Variants in OSBPL8 observed in about 807,000 individuals in gnomAD.
The protein encoded by OSBPL8 is oxysterol-binding protein-related protein 8.
In OSBPL8, 59 loss-of-function variants were observed where a neutral mutation model predicts 125.5. The ratio of observed to expected loss-of-function variants is 0.47; its 90% CI spans 0.38 to 0.58. The LOEUF (loss-of-function observed/expected upper bound fraction) is 0.58. OSBPL8 is among the 20% of genes least tolerant of loss of function. The probability of loss-of-function intolerance (pLI) is 0.00; values close to 1 mark genes in which losing one functional copy is unlikely to be tolerated. For synonymous variants in OSBPL8, 330 were observed against 338.9 expected (o/e 0.97, Z 0.29); for missense variants, 758 against 1,047.8 (o/e 0.72, Z 3.82).
At chr12:76,531,638 A>G (rs950661960) in intron 1 of OSBPL8, among the ~76,000 whole-genome samples, 19 of 152,188 alleles carry the variant, frequency 1.2e-4, no homozygotes, top group African/African-American at 4.6e-4. Flanking sequence ...AGATAACTGA[A>G]TTAACAGGCC....
chr12:76,419,686 T>G (rs995995512), intron 4 of OSBPL8, among the ~76,000 whole-genome samples: 5 of 152,248 alleles, frequency 3.3e-5, no homozygotes, highest in African/African-American at 1.2e-4. Flanking sequence ...TTTTTAGCCA[T>G]CAAAGCAAAT....
chr12:76,526,976 C>T (rs947705960), intron 1 of OSBPL8, among the ~76,000 whole-genome samples: 1 of 151,910 alleles, frequency 6.6e-6, no homozygotes, highest in African/African-American at 2.4e-5. Context: ...AAGTCCAGAG[C>T]TCTATTGAGA....
chr12:76,435,028 T>C (rs1871278203), intron 4 of OSBPL8, among the ~76,000 whole-genome samples: 1 of 152,164 alleles, frequency 6.6e-6, no homozygotes, highest in African/African-American at 2.4e-5. Flanking sequence ...AAATGAAACC[T>C]GTATCTCAAG....
chr12:76,458,543 T>G (rs1874335505), intron 3 of OSBPL8, among the ~76,000 whole-genome samples: 1 of 151,486 alleles, frequency 6.6e-6, no homozygotes, highest in Admixed American at 6.6e-5. Flanking sequence ...TTTCAAAAAT[T>G]AATTGGGTGT....
At chr12:76,405,291 T>C (rs1051707237) in intron 5 of OSBPL8, among the ~76,000 whole-genome samples, 2 of 151,944 alleles carry the variant, frequency 1.3e-5, no homozygotes, top group African/African-American at 4.8e-5. Context: ...AGACACCGTC[T>C]CTATGAAAAA....
chr12:76,524,535 G>C (rs1420325431), intron 1 of OSBPL8, among the ~76,000 whole-genome samples: 2 of 152,066 alleles, frequency 1.3e-5, no homozygotes, highest in Non-Finnish European at 2.9e-5. Context: ...ATTGGAAAGT[G>C]TTGCTTTTGT....
At chr12:76,541,244 C>T (rs1419887770) in intron 1 of OSBPL8, among the ~76,000 whole-genome samples, 3 of 151,942 alleles carry the variant, frequency 2.0e-5, no homozygotes, top group Non-Finnish European at 2.9e-5. Flanking sequence ...TTTAGGAGGC[C>T]GAGGCAGGTG....
At chr12:76,467,661 C>CT (rs546099404) in intron 2 of OSBPL8, among the ~76,000 whole-genome samples, 30 of 149,230 alleles carry the variant, frequency 2.0e-4, no homozygotes, top group South Asian at 4.3e-4. Context: ...CACATTCAGT[C>CT]TTTTTTTTTT....
In OSBPL8 at chr12:76,386,223, C is replaced by T. The variant is rs1327585686; in HGVS notation, c.1478G>A (p.Arg493His). The change falls in exon 14 of 24, where the codon CGT (arginine) becomes CAT (histidine). Residue 493 changes from arginine (R) to histidine (H), a missense_variant. By Grantham distance (29) the Arg-to-His change is conservative (BLOSUM62 0). Transcript: ENST00000261183. ...TGTTCTGGGATGAATCCATAAACAA[C>T]GGAAAGTCTCGCCAAGTATAGGATT... is the stretch of plus-strand genomic sequence containing the variant. ...PYNPILGETF[R>H]CLWIHPRTNS... 4.4e-6 allele frequency: 7 copies of T among 1,608,196 alleles called. No individual in the cohort carries two copies. Among genetic ancestry groups the T allele is most frequent in the African/African-American group, 1.4e-5 (1 of 73,756 alleles).
In OSBPL8 at chr12:76,487,007, T is replaced by C. The variant is rs975292059; in HGVS notation, c.42+503A>G. Among the ~76,000 whole-genome samples the C allele has an allele frequency of 3.3e-5, 5 of 150,548 alleles. No individual in the cohort carries two copies. The East Asian group carries it at 9.7e-4, about 29-fold the overall frequency. ...TGGTGTGCTCCAACAAACTTTAAGCTATTTGCAATTTTCATTTTTTTTTTT... is the reference window on the plus strand; with the variant it reads ...TGGTGTGCTCCAACAAACTTTAAGCCATTTGCAATTTTCATTTTTTTTTTT... On this transcript the variant is annotated intron_variant, in intron 2 of 23. Transcript: ENST00000261183.
At chr12:76,405,522 A>C (rs143677551) in intron 5 of OSBPL8, among the ~76,000 whole-genome samples, 4 of 152,244 alleles carry the variant, frequency 2.6e-5, no homozygotes, top group South Asian at 2.1e-4. Context: ...GTTATTCCTA[A>C]AAGATTACTG....
intron 3 of OSBPL8, among the ~76,000 whole-genome samples, chr12:76,458,211 C>T (rs972725036): frequency 7.9e-5 from 12 of 152,124 alleles, no homozygotes; most frequent in Non-Finnish European, 1.5e-4. Context: ...GAAGTTGTGG[C>T]TGCAGTAAGC....
At chr12:76,465,999 CT>C (rs1565919613) in intron 2 of OSBPL8, among the ~76,000 whole-genome samples, 1 of 151,054 alleles carries the variant, frequency 6.6e-6, no homozygotes, top group African/African-American at 2.4e-5. Context: ...AAGACTCTGT[CT>C]CAAAAAAGAA....
chr12:76,516,214 A>G (rs1435302966), intron 1 of OSBPL8, among the ~76,000 whole-genome samples: 2 of 152,234 alleles, frequency 1.3e-5, no homozygotes, highest in Non-Finnish European at 2.9e-5. Flanking sequence ...TGAAAGCAGG[A>G]GATGAAACTC....
At chr12:76,420,648 T>C (rs760362595) in intron 4 of OSBPL8, among the ~76,000 whole-genome samples, 1 of 152,094 alleles carries the variant, frequency 6.6e-6, no homozygotes, top group East Asian at 1.9e-4. Context: ...TAAATATCAC[T>C]AATGAAGAAC....
At chr12:76,407,684 C>T (rs1292903738) in intron 5 of OSBPL8, among the ~76,000 whole-genome samples, 2 of 152,152 alleles carry the variant, frequency 1.3e-5, no homozygotes, top group Admixed American at 6.5e-5. Flanking sequence ...TATAATTTTA[C>T]TTATATACCA....
At chr12:76,357,723 C>T (rs1191096385) in intron 22 of OSBPL8, among the ~76,000 whole-genome samples, 1 of 152,226 alleles carries the variant, frequency 6.6e-6, no homozygotes, top group Non-Finnish European at 1.5e-5. Flanking sequence ...TGAGCTCCCT[C>T]TCCTTTAAAC....
chr12:76,528,845 C>A (rs1207593377), intron 1 of OSBPL8, among the ~76,000 whole-genome samples: 5 of 151,938 alleles, frequency 3.3e-5, no homozygotes, highest in Non-Finnish European at 7.4e-5. Flanking sequence ...CAGAGGGAGA[C>A]CCTGTCTCAA....
intron 4 of OSBPL8, among the ~76,000 whole-genome samples, chr12:76,427,640 T>C (rs1870306325): frequency 6.6e-6 from 1 of 152,068 alleles, no homozygotes; most frequent in East Asian, 1.9e-4. Context: ...ACATTATATA[T>C]ACCTTTGTGA....
Sources: gnomAD v4.1 joint callset for allele counts (sites outside exome capture counted in the v4.1 genomes callset) on GRCh38, gnomAD v4.1.1 for gene constraint, MANE v1.5 for transcripts, NCBI Gene and HGNC (gene_info 2026-07-23, HGNC 2026-07-21) for gene names.